ZFHX3: variants seen among roughly 807,000 people sequenced by gnomAD.
ZFHX3 encodes zinc finger homeobox protein 3.
Under a neutral mutation model 279.1 loss-of-function variants are expected in ZFHX3, and 42 were observed. That is an observed-to-expected ratio of 0.15 (90% CI 0.12 to 0.19). The LOEUF is 0.19. Ranked by LOEUF, ZFHX3 falls within the 10% of genes least tolerant of loss-of-function variation. ZFHX3 has a pLI of 1.00. For synonymous variants in ZFHX3, 2,293 were observed against 1,957.8 expected (o/e 1.17, Z -4.52); for missense variants, 4,981 against 4,754.0 (o/e 1.05, Z -1.40).
intron 2 of ZFHX3, among the ~76,000 whole-genome samples, chr16:73,626,148 G>A (rs1417542000): frequency 3.9e-5 from 6 of 152,154 alleles, no homozygotes; most frequent in Non-Finnish European, 7.3e-5. Context: ...GAGCCACCAC[G>A]CCCGGCCGAA....
At chr16:73,403,916 A>C (rs1297694869) in intron 3 of ZFHX3, among the ~76,000 whole-genome samples, 1 of 151,988 alleles carries the variant, frequency 6.6e-6, no homozygotes, top group Non-Finnish European at 1.5e-5. Context: ...ATTTGGAGTC[A>C]CGGATGCTCT....
At position 72,811,939 on chromosome 16, in the gene ZFHX3, C is replaced by T. The variant is rs762268017; in HGVS notation, c.3629G>A (p.Arg1210Gln). ...TTTGATCTCCTCAGCTGTTTTTGGT[C>T]GCTTCGAAGAGAGGGGAGACTCTGA... ...GSSESPLSSK[R>Q]PKTAEEIKPE... is the part of the protein sequence containing the mutation. Residue 1210 changes from arginine (R) to glutamine (Q), a missense_variant, in exon 6 of 10, where the codon CGA becomes CAA. Transcript: ENST00000268489. 33 of 1,613,688 alleles carry T rather than the reference C, an allele frequency of 2.0e-5. No homozygotes were observed. The highest frequency in any genetic ancestry group is 1.3e-4 in the Admixed American group (8 of 59,970).
At chr16:73,142,073 C>A (rs1966849056) in intron 6 of ZFHX3, among the ~76,000 whole-genome samples, 1 of 152,210 alleles carries the variant, frequency 6.6e-6, no homozygotes, top group Non-Finnish European at 1.5e-5. Context: ...CAATATCATT[C>A]ACCTCCAGAG....
chr16:73,079,460 G>A (rs927664147), intron 8 of ZFHX3, among the ~76,000 whole-genome samples: 1 of 152,130 alleles, frequency 6.6e-6, no homozygotes, highest in Non-Finnish European at 1.5e-5. Flanking sequence ...AGGAGGCAGA[G>A]GTTGGGACAG....
chr16:73,553,846 G>A (rs1213473512), intron 2 of ZFHX3, among the ~76,000 whole-genome samples: 1 of 152,160 alleles, frequency 6.6e-6, no homozygotes, highest in Non-Finnish European at 1.5e-5. Context: ...GGGGGTCTAA[G>A]GAAGAAATGG....
intron 1 of ZFHX3, among the ~76,000 whole-genome samples, chr16:73,686,778 A>G (rs571419956): frequency 6.6e-6 from 1 of 152,098 alleles, no homozygotes; most frequent in African/African-American, 2.4e-5. Flanking sequence ...AGTTTGTAGC[A>G]CATGTTTCTG....
chr16:73,190,213 A>G (rs1012867885), intron 5 of ZFHX3, among the ~76,000 whole-genome samples: 2 of 152,232 alleles, frequency 1.3e-5, no homozygotes, highest in African/African-American at 4.8e-5. Flanking sequence ...GTGACTTCGT[A>G]TTACACAGCT....
intron 7 of ZFHX3, among the ~76,000 whole-genome samples, chr16:73,112,403 C>T (rs967088253): frequency 1.3e-5 from 2 of 151,830 alleles, no homozygotes; most frequent in Non-Finnish European, 2.9e-5. Context: ...CAAAGCCAGG[C>T]AGGAAGGATT....
At position 72,788,657 on chromosome 16, in the gene ZFHX3, CCTGTGGTTGCTGCTG is replaced by C; in HGVS notation, c.9604_9618del (p.Gln3202_Gln3206del). 6.2e-7 allele frequency: 1 copy of C among 1,612,250 alleles called. No individual in the cohort carries two copies. Among genetic ancestry groups the C allele is most frequent in the Non-Finnish European group, 8.5e-7 (1 of 1,179,282 alleles). On this transcript the variant is annotated inframe_deletion, in exon 10 of 10. Transcript: ENST00000268489. ...GCTGGCGGCGGGGGAGGCTGCTGCA[CCTGTGGTTGCTGCTG>C]CTGCTGCTGCTGCTGGGGGGGTTGC...
intron 2 of ZFHX3, among the ~76,000 whole-genome samples, chr16:73,577,815 G>A (rs1251067297): frequency 1.3e-5 from 2 of 152,100 alleles, no homozygotes; most frequent in African/African-American, 4.8e-5. Context: ...TTTACCCTAC[G>A]AATTTAATAA....
chr16:73,236,229 G>A (rs1201097867), intron 5 of ZFHX3, among the ~76,000 whole-genome samples: 1 of 152,236 alleles, frequency 6.6e-6, no homozygotes, highest in African/African-American at 2.4e-5. Flanking sequence ...GAAGGGAATG[G>A]ATGTCAGTGT....
Position 73,270,478 on chromosome 16 carries a change from C to T in ZFHX3, c.-1193-13342G>A, listed in dbSNP as rs548088028. The stretch of plus-strand genomic sequence containing the variant: ...GGGAGGAACCGAGCCTCTCCATCGC[C>T]CACAGCACCCAGCCCAGGGTCAAAC... On this transcript the variant is annotated intron_variant, in intron 4 of 17. Transcript: ENST00000641206. Among the ~76,000 whole-genome samples, 3 of 152,312 alleles carry T rather than the reference C, an allele frequency of 2.0e-5. No homozygotes were observed. The South Asian group carries it at 6.2e-4, about 32-fold the overall frequency.
chr16:73,801,818 T>C (rs954265197), intron 1 of ZFHX3, among the ~76,000 whole-genome samples: 2 of 152,208 alleles, frequency 1.3e-5, no homozygotes, highest in African/African-American at 4.8e-5. Context: ...CAAAGACTCT[T>C]AGTGTGCAAC....
chr16:73,796,748 G>A (rs1472508756), intron 1 of ZFHX3, among the ~76,000 whole-genome samples: 1 of 152,102 alleles, frequency 6.6e-6, no homozygotes, highest in East Asian at 1.9e-4. Flanking sequence ...GGAGAGAGTG[G>A]GGACAACGAC....
intron 3 of ZFHX3, among the ~76,000 whole-genome samples, chr16:72,947,604 C>T (rs188013864): frequency 6.6e-6 from 1 of 151,990 alleles, no homozygotes; most frequent in South Asian, 2.1e-4. Context: ...GGAGGGCCAC[C>T]GGGAAGCCAC....
intron 3 of ZFHX3, among the ~76,000 whole-genome samples, chr16:73,449,248 T>C (rs763903666): frequency 3.9e-5 from 6 of 152,240 alleles, no homozygotes; most frequent in Non-Finnish European, 7.3e-5. Flanking sequence ...TTTATTCTTG[T>C]GTGTTTATTT....
chr16:73,447,235 A>G (rs1449651071), intron 3 of ZFHX3, among the ~76,000 whole-genome samples: 1 of 152,094 alleles, frequency 6.6e-6, no homozygotes, highest in Non-Finnish European at 1.5e-5. Context: ...AACATCTAAT[A>G]AAAGGAACAA....
chr16:73,444,398 A>G (rs1404172843), intron 3 of ZFHX3, among the ~76,000 whole-genome samples: 2 of 152,040 alleles, frequency 1.3e-5, no homozygotes, highest in Non-Finnish European at 2.9e-5. Flanking sequence ...TTTCTCTACC[A>G]TTTCTCTCTA....
At chr16:73,391,907 G>A (rs1435383129) in intron 3 of ZFHX3, among the ~76,000 whole-genome samples, 3 of 152,118 alleles carry the variant, frequency 2.0e-5, no homozygotes, top group African/African-American at 7.2e-5. Flanking sequence ...AGCAAAAACA[G>A]AACCACTGAA....
Sources: allele counts gnomAD v4.1 joint callset (sites outside exome capture counted in the v4.1 genomes callset), GRCh38; gene constraint gnomAD v4.1.1; transcripts MANE v1.5; gene names NCBI Gene and HGNC (gene_info 2026-07-23, HGNC 2026-07-21).